RNF32: variants seen among roughly 807,000 people sequenced by gnomAD.
RNF32 encodes ring finger protein 32.
In RNF32, 36 loss-of-function variants were observed where a neutral mutation model predicts 41.0. The ratio of observed to expected loss-of-function variants is 0.88; its 90% CI spans 0.67 to 1.16. The LOEUF (loss-of-function observed/expected upper bound fraction) is 1.16, where lower values mean the gene tolerates loss of function less well. Ranked by LOEUF, RNF32 falls within the 50% of genes most tolerant of loss-of-function variation. The pLI, the probability that RNF32 is intolerant of heterozygous loss-of-function variation, is 0.00. For missense variants in RNF32, 413 were observed against 436.7 expected (o/e 0.95, Z 0.48); for synonymous variants, 154 against 160.9 (o/e 0.96, Z 0.32).
chr7:156,667,196 T>A (rs768718194), intron 7 of RNF32, among the ~76,000 whole-genome samples: 7 of 152,244 alleles, frequency 4.6e-5, no homozygotes, highest in Non-Finnish European at 7.3e-5. Flanking sequence ...TTCATTGATA[T>A]GCTGTAAATT....
At chr7:156,663,751 C>T (rs1417148291) in intron 7 of RNF32, among the ~76,000 whole-genome samples, 1 of 152,128 alleles carries the variant, frequency 6.6e-6, no homozygotes, top group Non-Finnish European at 1.5e-5. Flanking sequence ...AGTAGAAAGT[C>T]ACACATCTCA....
chr7:156,640,221 T>G, upstream of RNF32: 1 of 451,940 alleles, frequency 2.2e-6, no homozygotes. Context: ...GATCGGGGGA[T>G]CCCCCAGAAA....
At chr7:156,659,843 C>T in intron 7 of RNF32, 1 of 920,982 alleles carries the variant, frequency 1.1e-6, no homozygotes, top group South Asian at 5.0e-5. Flanking sequence ...TCAAATGCTG[C>T]AGCCTTCAGC....
chr7:156,675,829 T>C lies in RNF32; in HGVS notation c.818T>C (p.Ile273Thr). The C allele has an allele frequency of 6.2e-7, 1 of 1,613,972 alleles. No individual in the cohort carries two copies. The highest frequency in any genetic ancestry group is 8.5e-7 in the Non-Finnish European group (1 of 1,179,916). Residue 273 changes from isoleucine to threonine, a missense_variant, in exon 8 of 9, where the codon ATC (isoleucine) becomes ACC (threonine). By Grantham distance (89) the Ile-to-Thr change is moderately conservative. Transcript: ENST00000317955. The part of the protein sequence containing the change: ...QQLEEKCGHE[I>T]TEEEWEKIQV... ...TTGGAAGAAAAATGTGGCCATGAGA[T>C]CACAGAAGAGGAATGGGAGAAAATC...
At position 156,644,557 on chromosome 7, in the gene RNF32, T is replaced by C. The variant is rs981043466; in HGVS notation, c.74T>C (p.Ile25Thr). The C allele has an allele frequency of 1.4e-5, 22 of 1,612,242 alleles. No individual in the cohort carries two copies. The highest frequency in any genetic ancestry group is 1.9e-5 in the Non-Finnish European group (22 of 1,178,890). ...AATGCAGTTGCTTTACAAGATCACA[T>C]TTTACATGATCTTCAACTTCGAAAT... ...AVNAVALQDH[I>T]LHDLQLRNLS... is the part of the protein sequence containing the mutation. Residue 25 changes from isoleucine to threonine, a missense_variant, in exon 3 of 9, where the codon ATT becomes ACT. Ile to Thr is a moderately conservative substitution (Grantham distance 89, BLOSUM62 -1). Transcript: ENST00000317955.
intron 6 of RNF32, 33 bp downstream of exon 6, chr7:156,658,285 GAC>G: frequency 6.2e-7 from 1 of 1,609,084 alleles, no homozygotes. Flanking sequence ...GCGCTAAGCA[GAC>G]ACAGATCAGG....
chr7:156,658,346 T>G, intron 6 of RNF32, 94 bp downstream of exon 6: 2 of 1,569,674 alleles, frequency 1.3e-6, no homozygotes, highest in Admixed American at 1.8e-5. Context: ...ATCTCTCTTC[T>G]TGGCCACCAT....
At chr7:156,671,985 A>G (rs1802658147) in intron 7 of RNF32, among the ~76,000 whole-genome samples, 2 of 152,222 alleles carry the variant, frequency 1.3e-5, no homozygotes, top group Admixed American at 1.3e-4. Flanking sequence ...GGAATGGAAT[A>G]TTTCATCAAA....
intron 7 of RNF32, among the ~76,000 whole-genome samples, chr7:156,668,597 C>A (rs1215714738): frequency 6.6e-6 from 1 of 152,214 alleles, no homozygotes; most frequent in African/African-American, 2.4e-5. Context: ...GCCCAGAGCG[C>A]CTTGTAGGCT....
At chr7:156,664,175 G>C (rs2131563850) in intron 7 of RNF32, among the ~76,000 whole-genome samples, 1 of 152,330 alleles carries the variant, frequency 6.6e-6, no homozygotes, top group South Asian at 2.1e-4. Context: ...GAAAAACATT[G>C]CAAGGGCCGG....
intron 3 of RNF32, among the ~76,000 whole-genome samples, chr7:156,652,854 C>G (rs144646077): frequency 1.5e-4 from 23 of 152,238 alleles, no homozygotes; most frequent in African/African-American, 5.3e-4. Flanking sequence ...CCAGGAGACA[C>G]AGCCTGCAGT....
chr7:156,648,029 G>GTT (rs11450384), intron 3 of RNF32, among the ~76,000 whole-genome samples: 133 of 142,914 alleles, frequency 9.3e-4, no homozygotes, highest in Admixed American at 8.9e-4. Context: ...GGGATTATTT[G>GTT]TTTTTTTTTT....
intron 7 of RNF32, among the ~76,000 whole-genome samples, chr7:156,664,405 G>C (rs1170514193): frequency 6.6e-6 from 1 of 152,110 alleles, no homozygotes. Context: ...AGGTTGCAGT[G>C]AGCCAAGATC....
intron 3 of RNF32, among the ~76,000 whole-genome samples, chr7:156,649,711 G>A (rs76838007): frequency 0.05 from 7,656 of 152,174 alleles, 248 homozygotes; most frequent in Non-Finnish European, 0.07. Context: ...TGTTTGTGCC[G>A]TAAATTACAG....
At chr7:156,651,262 G>GGAGT (rs1798692223) in intron 3 of RNF32, among the ~76,000 whole-genome samples, 1 of 148,390 alleles carries the variant, frequency 6.7e-6, no homozygotes, top group Non-Finnish European at 1.5e-5. Context: ...TGCCCAGGCT[G>GGAGT]GAGTGCGGTG....
chr7:156,673,996 A>G (rs147284589), intron 7 of RNF32, among the ~76,000 whole-genome samples: 1 of 152,096 alleles, frequency 6.6e-6, no homozygotes, highest in Non-Finnish European at 1.5e-5. Context: ...TCCAAAATGC[A>G]TTTTCCCCAT....
intron 7 of RNF32, among the ~76,000 whole-genome samples, chr7:156,673,060 G>C (rs1802937388): frequency 6.6e-6 from 1 of 152,166 alleles, no homozygotes; most frequent in African/African-American, 2.4e-5. Flanking sequence ...TGCGGGGTCT[G>C]GGCCCCACCT....
chr7:156,661,554 C>G (rs1332128329), intron 7 of RNF32, among the ~76,000 whole-genome samples: 1 of 152,194 alleles, frequency 6.6e-6, no homozygotes, highest in Non-Finnish European at 1.5e-5. Context: ...CTCCCAGCTT[C>G]AGGTGATCTG....
chr7:156,662,909 G>A (rs191375363), intron 7 of RNF32, among the ~76,000 whole-genome samples: 57 of 148,928 alleles, frequency 3.8e-4, no homozygotes, highest in African/African-American at 1.0e-3. Flanking sequence ...GTGCAGTGGC[G>A]CGATCTCGGC....
Sources: gnomAD v4.1 joint callset for allele counts (sites outside exome capture counted in the v4.1 genomes callset) on GRCh38, gnomAD v4.1.1 for gene constraint, MANE v1.5 for transcripts, NCBI Gene and HGNC (gene_info 2026-07-23, HGNC 2026-07-21) for gene names.